The following SHC3 variants were observed in gnomAD, a reference collection of about 807,000 sequenced individuals.
SHC3 encodes SHC-transforming protein 3.
SHC3 carries 15 observed loss-of-function variants against 60.4 expected under a neutral mutation model. The ratio of observed to expected loss-of-function variants is 0.25; its 90% CI spans 0.17 to 0.38. The LOEUF is 0.38. Ranked by LOEUF, SHC3 falls within the 10% of genes least tolerant of loss-of-function variation. The probability of loss-of-function intolerance (pLI) is 1.00; values close to 1 mark genes in which losing one functional copy is unlikely to be tolerated. For synonymous variants in SHC3, 294 were observed against 325.9 expected, an observed-to-expected ratio of 0.90 and a Z score of 1.05; for missense variants, 677 against 786.1, an observed-to-expected ratio of 0.86 and a Z score of 1.66.
intron 1 of SHC3, among the ~76,000 whole-genome samples, chr9:89,119,674 T>C (rs1335955561): frequency 6.6e-6 from 1 of 152,316 alleles, no homozygotes; most frequent in South Asian, 2.1e-4. Flanking sequence ...GATTGGAAGA[T>C]TCAATAGAAA....
chr9:89,125,530 A>G (rs1587740700), intron 1 of SHC3, among the ~76,000 whole-genome samples: 1 of 152,100 alleles, frequency 6.6e-6, no homozygotes, highest in African/African-American at 2.4e-5. Flanking sequence ...GCTGGGTAAA[A>G]TGAGGCTGAG....
rs1423324891 is a variant in SHC3, at chr9:89,006,549, T to C, written c.*6898A>G. On this transcript the variant is annotated 3_prime_UTR_variant, in exon 12 of 12. Transcript: ENST00000375835. ...GTAATTCTTTTTGTTTCACAAAAGT[T>C]AATGGAAACAAAACAACTTTCAGAT... 4 of 152,262 alleles carry C rather than the reference T, an allele frequency of 2.6e-5. No homozygotes were observed. Among genetic ancestry groups the C allele is most frequent in the Non-Finnish European group, 5.9e-5 (4 of 68,048 alleles). 9.4% of individuals were successfully genotyped at this position (152,262 alleles called of 1,614,324 possible). A position where few individuals can be genotyped will look rare whatever the true frequency, so the allele number is the denominator to read the frequency against.
At chr9:89,023,391 T>C (rs1826236562) in intron 11 of SHC3, among the ~76,000 whole-genome samples, 1 of 152,222 alleles carries the variant, frequency 6.6e-6, no homozygotes, top group African/African-American at 2.4e-5. Context: ...CTGGGTTTAT[T>C]TAGGCCCAAG....
chr9:89,075,499 C>T (rs1490283968), intron 3 of SHC3, among the ~76,000 whole-genome samples: 1 of 152,208 alleles, frequency 6.6e-6, no homozygotes, highest in African/African-American at 2.4e-5. Context: ...GTCTTCCAGG[C>T]CTTTTCTCTG....
At chr9:89,086,432 G>A (rs1284498756) in intron 2 of SHC3, among the ~76,000 whole-genome samples, 1 of 152,208 alleles carries the variant, frequency 6.6e-6, no homozygotes, top group Admixed American at 6.5e-5. Flanking sequence ...AAAGGATATT[G>A]CAAAGGATGC....
intron 2 of SHC3, among the ~76,000 whole-genome samples, chr9:89,107,846 G>A (rs1344645335): frequency 6.6e-6 from 1 of 152,124 alleles, no homozygotes; most frequent in Non-Finnish European, 1.5e-5. Context: ...TCCCTGGCAT[G>A]TTTAATTTAA....
chr9:89,108,806 A>G (rs1825903588), intron 2 of SHC3, among the ~76,000 whole-genome samples: 1 of 151,768 alleles, frequency 6.6e-6, no homozygotes, highest in African/African-American at 2.4e-5. Context: ...TCGCCCTAAC[A>G]CTAACAGAAT....
At chr9:89,045,909 A>G in intron 8 of SHC3, 76 bp from the exon 9 acceptor site, 1 of 1,443,014 alleles carries the variant, frequency 6.9e-7, no homozygotes, top group Non-Finnish European at 9.7e-7. Context: ...GCCACAAGAC[A>G]GTCGGCGAGT....
intron 1 of SHC3, among the ~76,000 whole-genome samples, chr9:89,162,616 G>T (rs1409036727): frequency 6.6e-6 from 1 of 151,860 alleles, no homozygotes; most frequent in African/African-American, 2.4e-5. Flanking sequence ...AGACTTAAAC[G>T]TTAGACCTAA....
chr9:89,166,281 T>A (rs1267285625), intron 1 of SHC3, among the ~76,000 whole-genome samples: 2 of 152,156 alleles, frequency 1.3e-5, no homozygotes, highest in African/African-American at 4.8e-5. Context: ...TCTCCCCAAC[T>A]GGCACTGAAG....
chr9:89,155,326 C>T (rs1440632955), intron 1 of SHC3, among the ~76,000 whole-genome samples: 1 of 152,190 alleles, frequency 6.6e-6, no homozygotes, highest in Non-Finnish European at 1.5e-5. Context: ...GCCGGCTTCT[C>T]TCTCCTTGCT....
chr9:89,046,037 A>G (rs1455101811), intron 8 of SHC3, among the ~76,000 whole-genome samples: 2 of 151,296 alleles, frequency 1.3e-5, no homozygotes, highest in East Asian at 3.9e-4. Context: ...CTGCATCTCC[A>G]TCAAAACTAC....
chr9:89,082,004 G>T (rs1825452023), intron 2 of SHC3, among the ~76,000 whole-genome samples: 2 of 151,766 alleles, frequency 1.3e-5, no homozygotes, highest in African/African-American at 4.8e-5. Flanking sequence ...GGCCAGGCTG[G>T]TAGTACCTTG....
At chr9:89,122,470 T>G (rs535806994) in intron 1 of SHC3, among the ~76,000 whole-genome samples, 1 of 152,364 alleles carries the variant, frequency 6.6e-6, no homozygotes, top group African/African-American at 2.4e-5. Context: ...ACAACCTTTG[T>G]TGGTAATACC....
At chr9:89,074,963 C>T in intron 4 of SHC3, 146 bp downstream of exon 4, 1 of 1,027,612 alleles carries the variant, frequency 9.7e-7, no homozygotes. Context: ...CTTGGTGATC[C>T]TTCAAAGTGG....
chr9:89,064,008 C>A (rs1212713916), intron 6 of SHC3, among the ~76,000 whole-genome samples: 1 of 152,138 alleles, frequency 6.6e-6, no homozygotes, highest in Non-Finnish European at 1.5e-5. Context: ...CTACTGAGGG[C>A]CCTCTTCCTG....
At chr9:89,014,916 C>A (rs1826069475) in intron 11 of SHC3, among the ~76,000 whole-genome samples, 1 of 152,130 alleles carries the variant, frequency 6.6e-6, no homozygotes, top group African/African-American at 2.4e-5. Flanking sequence ...CCTGAAGGAA[C>A]AGAAAAACTT....
At chr9:89,132,849 G>T (rs921308431) in intron 1 of SHC3, among the ~76,000 whole-genome samples, 5 of 152,136 alleles carry the variant, frequency 3.3e-5, no homozygotes, top group Admixed American at 2.0e-4. Flanking sequence ...ATAGGCATGG[G>T]CAAGGACTTC....
At chr9:89,095,848 G>A (rs779931151) in intron 2 of SHC3, among the ~76,000 whole-genome samples, 7 of 151,982 alleles carry the variant, frequency 4.6e-5, no homozygotes, top group African/African-American at 9.7e-5. Flanking sequence ...ATCATTTTGC[G>A]GTGCATTTTC....
Sources: allele counts gnomAD v4.1 joint callset (sites outside exome capture counted in the v4.1 genomes callset), GRCh38; gene constraint gnomAD v4.1.1; transcripts MANE v1.5; gene names NCBI Gene and HGNC (gene_info 2026-07-23, HGNC 2026-07-21).